Variants in KLF8 observed in about 807,000 individuals in gnomAD.
KLF8 encodes the protein KLF transcription factor 8, also known as Krueppel-like factor 8.
KLF8 carries 10 observed loss-of-function variants against 18.2 expected under a neutral mutation model. The ratio of observed to expected loss-of-function variants is 0.55; its 90% CI spans 0.34 to 0.93. The LOEUF (loss-of-function observed/expected upper bound fraction) is 0.93. Among genes scored for constraint, KLF8 ranks in the 40% least tolerant of loss-of-function variants. The pLI is 0.02. For missense variants in KLF8, 264 were observed against 277.9 expected (o/e 0.95, Z 0.36); for synonymous variants, 109 against 97.3 (o/e 1.12, Z -0.71).
At chrX:56,184,506 C>A in the KLF8 span, among the ~76,000 whole-genome samples, 1 of 112,427 alleles carries the variant, frequency 8.9e-6, no homozygotes, top group African/African-American at 3.2e-5. Flanking sequence ...TTTCTGACAA[C>A]TTTGAAGAGA....
At chrX:56,060,204 C>A in the KLF8 span, among the ~76,000 whole-genome samples, 1 of 111,583 alleles carries the variant, frequency 9.0e-6, no homozygotes. Flanking sequence ...TTGCCCTGGC[C>A]GGAACTTTCA....
At chrX:56,206,530 G>A in the KLF8 span, among the ~76,000 whole-genome samples, 5 of 112,325 alleles carry the variant, frequency 4.5e-5, no homozygotes, top group African/African-American at 1.3e-4. Context: ...GCAGTCAAAT[G>A]TTAAAGCTCC....
At chrX:56,076,641 T>C in the KLF8 span, among the ~76,000 whole-genome samples, 5 of 111,734 alleles carry the variant, frequency 4.5e-5, no homozygotes, top group African/African-American at 1.6e-4. Flanking sequence ...CTTATAGTCC[T>C]TCGGGTATAT....
chrX:56,254,590 G>A (rs1417719517), intron 2 of KLF8, among the ~76,000 whole-genome samples: 1 of 111,366 alleles, frequency 9.0e-6, no homozygotes, highest in Non-Finnish European at 1.9e-5. Context: ...ATGAATCAAA[G>A]GTGGTTAATG....
intron 5 of KLF8, among the ~76,000 whole-genome samples, chrX:56,280,546 A>G (rs997326148): frequency 8.9e-6 from 1 of 111,996 alleles, no homozygotes; most frequent in Non-Finnish European, 1.9e-5. Context: ...TTATGTCTTG[A>G]GTTATTTGTA....
At chrX:55,936,811 C>T in the KLF8 span, among the ~76,000 whole-genome samples, 5 of 107,471 alleles carry the variant, frequency 4.7e-5, no homozygotes, top group Middle Eastern at 4.8e-3. Context: ...AACTGCAAGT[C>T]GGCAGTGAGG....
the KLF8 span, among the ~76,000 whole-genome samples, chrX:56,078,461 T>C: frequency 8.9e-6 from 1 of 112,239 alleles, no homozygotes; most frequent in Non-Finnish European, 1.9e-5. Flanking sequence ...TTTGCATATA[T>C]TGAACCAGCC....
At chrX:56,128,029 A>G in the KLF8 span, among the ~76,000 whole-genome samples, 4 of 112,255 alleles carry the variant, frequency 3.6e-5, no homozygotes, top group African/African-American at 1.3e-4. Context: ...TGCTTGAGCT[A>G]GAATTTGAGC....
chrX:56,140,345 T>C, the KLF8 span, among the ~76,000 whole-genome samples: 1 of 111,298 alleles, frequency 9.0e-6, no homozygotes. Context: ...AGCAAATACA[T>C]GGAATCAACG....
At chrX:56,080,352 A>G in the KLF8 span, among the ~76,000 whole-genome samples, 1 of 111,269 alleles carries the variant, frequency 9.0e-6, no homozygotes, top group Non-Finnish European at 1.9e-5. Context: ...TGGTGGTGAC[A>G]AAATCTCTCA....
chrX:55,932,145 C>G, the KLF8 span, among the ~76,000 whole-genome samples: 1 of 109,418 alleles, frequency 9.1e-6, no homozygotes, highest in Non-Finnish European at 1.9e-5. Context: ...CTTTTTTGAT[C>G]TTTGTTGGTT....
the KLF8 span, among the ~76,000 whole-genome samples, chrX:55,941,798 A>G: frequency 2.1e-4 from 24 of 112,226 alleles, no homozygotes; most frequent in African/African-American, 7.1e-4. Flanking sequence ...AGATGAATGC[A>G]AAACGAAACC....
the KLF8 span, chrX:55,961,285 T>C: frequency 5.4e-6 from 2 of 372,731 alleles, no homozygotes; most frequent in Non-Finnish European, 1.0e-5. Flanking sequence ...CCACAGCCTC[T>C]GCCAGAGGTC....
At chrX:56,100,692 G>T in the KLF8 span, among the ~76,000 whole-genome samples, 41 of 111,930 alleles carry the variant, frequency 3.7e-4, no homozygotes, top group Admixed American at 3.2e-3. Flanking sequence ...TTCAGCCAAA[G>T]AAACACCTGC....
At chrX:56,039,874 ATTTG>A in the KLF8 span, among the ~76,000 whole-genome samples, 1 of 111,324 alleles carries the variant, frequency 9.0e-6, no homozygotes, top group Non-Finnish European at 1.9e-5. Context: ...TGGAATATGT[ATTTG>A]TTTGTGTCCT....
Position 56,233,187 on chromosome X carries a change from G to T in KLF8, c.-148G>T. ...GAGAAATAGGGGAGTGGGGGCCCAA[G>T]AACGAGAAGACGAGAACGCGTCGCC... On this transcript the variant is annotated 5_prime_UTR_variant, in exon 1 of 6. Coordinates refer to ENST00000468660, the MANE Select transcript of KLF8 (RefSeq NM_007250.5). 1.5e-6 allele frequency: 1 copy of T among 661,782 alleles called. No homozygotes were observed. Among genetic ancestry groups the T allele is most frequent in the Admixed American group, 2.7e-5 (1 of 36,756 alleles). The allele number at this position is 661,782 out of a possible 1,213,427, so 54.5% of individuals were successfully genotyped here.
the KLF8 span, among the ~76,000 whole-genome samples, chrX:56,060,382 T>C: frequency 9.0e-6 from 1 of 111,457 alleles, no homozygotes; most frequent in South Asian, 3.8e-4. Context: ...TTATTGAGAG[T>C]TTTTAGCATG....
the KLF8 span, among the ~76,000 whole-genome samples, chrX:56,055,809 G>T: frequency 9.0e-6 from 1 of 110,705 alleles, no homozygotes; most frequent in African/African-American, 3.3e-5. Context: ...GTTTCAGAAA[G>T]CCTGTCTTAA....
chrX:55,911,080 A>T, the KLF8 span, among the ~76,000 whole-genome samples: 1 of 112,361 alleles, frequency 8.9e-6, no homozygotes, highest in Non-Finnish European at 1.9e-5. Flanking sequence ...TAAGTTATAC[A>T]TATTATATAC....
Sources: gnomAD v4.1 joint callset for allele counts (sites outside exome capture counted in the v4.1 genomes callset) on GRCh38, gnomAD v4.1.1 for gene constraint, MANE v1.5 for transcripts, NCBI Gene and HGNC (gene_info 2026-07-23, HGNC 2026-07-21) for gene names.